TMEM196: variants seen among roughly 807,000 people sequenced by gnomAD.
TMEM196 encodes transmembrane protein 196.
TMEM196 carries 17 observed loss-of-function variants against 20.0 expected under a neutral mutation model. That is an observed-to-expected ratio of 0.85 (90% confidence interval 0.58 to 1.27). The LOEUF (loss-of-function observed/expected upper bound fraction) is 1.27. Ranked by LOEUF, TMEM196 falls within the 50% of genes most tolerant of loss-of-function variation. The pLI, the probability that TMEM196 is intolerant of heterozygous loss-of-function variation, is 0.00. For synonymous variants in TMEM196, 113 were observed against 88.9 expected (o/e 1.27, Z -1.52); for missense variants, 267 against 223.0 (o/e 1.20, Z -1.26).
chr7:19,753,741 A>G (rs1583449134), intron 1 of TMEM196, among the ~76,000 whole-genome samples: 1 of 152,146 alleles, frequency 6.6e-6, no homozygotes, highest in Non-Finnish European at 1.5e-5. Flanking sequence ...CCTATAGTCT[A>G]ATACTCAGGT....
rs1783833864 is a variant in TMEM196, at chr7:19,722,117, C to G, written c.*11G>C. On this transcript the variant is annotated 3_prime_UTR_variant, in exon 5 of 5. Transcript: ENST00000405844. ...ATATCAGCTGTGGTCCTCCATTGCT[C>G]ATGTTGTCTGTTATTTCCTGTTAGA... 2 of 1,609,110 alleles carry G rather than the reference C, an allele frequency of 1.2e-6. No individual in the cohort carries two copies. Among genetic ancestry groups the G allele is most frequent in the Admixed American group, 1.7e-5 (1 of 59,350 alleles).
At position 19,729,297 on chromosome 7, in the gene TMEM196, T is replaced by C. The variant is rs117847844; in HGVS notation, c.204+85A>G. The C allele has an allele frequency of 9.2e-3, 10,967 of 1,191,376 alleles. 86 individuals are homozygous for C. The highest frequency in any genetic ancestry group is 0.011 in the Middle Eastern group (52 of 4,902). 73.8% of individuals were successfully genotyped at this position (1,191,376 alleles called of 1,614,324 possible). On this transcript the variant is annotated intron_variant, in intron 2 of 4. Transcript: ENST00000405844. ...CCTCAAACTAGCAATATTCAGTATATGAAAGCTGGCTAGCCATCATTTCTA... is the reference window on the plus strand; with the variant it reads ...CCTCAAACTAGCAATATTCAGTATACGAAAGCTGGCTAGCCATCATTTCTA...
intron 1 of TMEM196, among the ~76,000 whole-genome samples, chr7:19,767,068 A>G (rs1017990849): frequency 2.6e-5 from 4 of 152,106 alleles, no homozygotes; most frequent in Non-Finnish European, 5.9e-5. Flanking sequence ...AGACTTCAAG[A>G]CCAGTTATAC....
At chr7:19,734,665 T>A (rs1160461423) in intron 1 of TMEM196, among the ~76,000 whole-genome samples, 1 of 152,184 alleles carries the variant, frequency 6.6e-6, no homozygotes, top group African/African-American at 2.4e-5. Context: ...GTAGGTGACC[T>A]CTGGGCACTG....
Position 19,772,735 on chromosome 7 carries a change from A to G in TMEM196, c.-39T>C, listed in dbSNP as rs1346071465. ...TCTTCCTTCCAGATCAGAGAGGGAA[A>G]TCAACCATCTACCTTTTTTTCTTCC... is the stretch of plus-strand genomic sequence containing the variant. On this transcript the variant is annotated 5_prime_UTR_variant, in exon 1 of 5. Coordinates refer to ENST00000405844, the MANE Select transcript of TMEM196 (RefSeq NM_001363562.2). 2.8e-6 allele frequency: 4 copies of G among 1,440,808 alleles called. No homozygotes were observed. The highest frequency in any genetic ancestry group is 3.7e-6 in the Non-Finnish European group (4 of 1,082,116). The allele number at this position is 1,440,808 out of a possible 1,614,324, so 89.3% of individuals were successfully genotyped here. A position where few individuals can be genotyped will look rare whatever the true frequency, so the allele number is the denominator to read the frequency against.
At chr7:19,723,388 T>G (rs996747150) in intron 4 of TMEM196, among the ~76,000 whole-genome samples, 2 of 152,166 alleles carry the variant, frequency 1.3e-5, no homozygotes, top group African/African-American at 4.8e-5. Flanking sequence ...TACAATGACT[T>G]TCCACTCAAA....
chr7:19,732,832 T>C (rs921077173), intron 1 of TMEM196, among the ~76,000 whole-genome samples: 2 of 152,220 alleles, frequency 1.3e-5, no homozygotes, highest in African/African-American at 4.8e-5. Flanking sequence ...TTTGTTATAA[T>C]ATTTCAAAAT....
In TMEM196 at chr7:19,725,763, G is replaced by T; in HGVS notation, c.210C>A (p.Ile70=). The T allele has an allele frequency of 6.3e-7, 1 of 1,591,806 alleles. No individual in the cohort carries two copies. Among genetic ancestry groups the T allele is most frequent in the South Asian group, 1.1e-5 (1 of 89,444 alleles). ...CACAGATACAGCAGGCTGAAAAGAG[G>T]ATCATCTGATAAGAAAAAGAAAGGC... ...CAKKKSGLVM[I]LFSACCICGL... is the part of the protein sequence containing the mutation. Residue 70 remains isoleucine (I), a synonymous_variant, in exon 3 of 5, where the codon ATC becomes ATA. Coordinates refer to ENST00000405844, the MANE Select transcript of TMEM196 (RefSeq NM_001363562.2).
At chr7:19,723,175 G>A (rs759950196) in intron 4 of TMEM196, among the ~76,000 whole-genome samples, 4 of 152,068 alleles carry the variant, frequency 2.6e-5, no homozygotes, top group Non-Finnish European at 5.9e-5. Context: ...ATATATTAGG[G>A]TTATGTGCTG....
At chr7:19,758,957 T>G (rs897062365) in intron 1 of TMEM196, among the ~76,000 whole-genome samples, 2 of 152,212 alleles carry the variant, frequency 1.3e-5, no homozygotes, top group Non-Finnish European at 2.9e-5. Context: ...TAGCTCTAAA[T>G]CCAATTACCC....
At chr7:19,768,815 C>T (rs1400512002) in intron 1 of TMEM196, among the ~76,000 whole-genome samples, 7 of 152,210 alleles carry the variant, frequency 4.6e-5, no homozygotes, top group Admixed American at 4.6e-4. Context: ...GGAAGCATCC[C>T]TGCCTGATTA....
intron 1 of TMEM196, among the ~76,000 whole-genome samples, chr7:19,765,069 T>C (rs930588587): frequency 6.6e-6 from 1 of 152,192 alleles, no homozygotes; most frequent in African/African-American, 2.4e-5. Context: ...AGTTCCTTTT[T>C]CTACTTAAAC....
At chr7:19,729,257 T>TG (rs1491325093) in intron 2 of TMEM196, 125 bp downstream of exon 2, 2 of 176,430 alleles carry the variant, frequency 1.1e-5, no homozygotes, top group Middle Eastern at 1.2e-3. Context: ...TATTTGTCAG[T>TG]TTTTTTTTTT....
At chr7:19,738,926 G>C (rs80074129) in intron 1 of TMEM196, among the ~76,000 whole-genome samples, 1 of 152,062 alleles carries the variant, frequency 6.6e-6, no homozygotes, top group Non-Finnish European at 1.5e-5. Context: ...CTTCGAAAAA[G>C]TACCATATGG....
intron 1 of TMEM196, among the ~76,000 whole-genome samples, chr7:19,730,621 A>G (rs1005922478): frequency 5.9e-5 from 9 of 152,358 alleles, no homozygotes; most frequent in South Asian, 4.1e-4. Context: ...CAGAACTAAC[A>G]ATATAGCTTG....
chr7:19,736,058 G>C (rs1211722101), intron 1 of TMEM196, among the ~76,000 whole-genome samples: 3 of 151,880 alleles, frequency 2.0e-5, no homozygotes, highest in Non-Finnish European at 2.9e-5. Context: ...GCTAAAAGAT[G>C]TATTTATCCT....
rs996470485 is a variant in TMEM196 at position 19,756,892 on chromosome 7, G to A, written c.147+15658C>T. ...TTCCATGTCTTTGTTATGGTGAATA[G>A]TGTAAAGCACATCTTAATTCACACT... On this transcript the variant is annotated intron_variant, in intron 1 of 4. Coordinates refer to ENST00000405844, the MANE Select transcript of TMEM196 (RefSeq NM_001363562.2). Among the ~76,000 whole-genome samples, 8 of 152,094 alleles carry A rather than the reference G, an allele frequency of 5.3e-5. No homozygotes were observed. The East Asian group carries it at 1.5e-3, about 29-fold the overall frequency.
rs890371074 is a variant in TMEM196, at chr7:19,748,324, G to A, written c.148-18886C>T. Among the ~76,000 whole-genome samples, 3 of 137,364 alleles carry A rather than the reference G, an allele frequency of 2.2e-5. No individual in the cohort carries two copies. The East Asian group carries it at 6.3e-4, about 29-fold the overall frequency. The allele number at this position is 137,364 out of a possible 152,430, so 90.1% of individuals were successfully genotyped here. ...ATGACAGAACTTAGAAAGAATGAGA[G>A]CTTATCAAACCAGAATTAGAAGAGA... On this transcript the variant is annotated intron_variant, in intron 1 of 4. Transcript: ENST00000405844.
At chr7:19,760,294 C>T (rs1268310861) in intron 1 of TMEM196, among the ~76,000 whole-genome samples, 1 of 150,806 alleles carries the variant, frequency 6.6e-6, no homozygotes, top group Non-Finnish European at 1.5e-5. Context: ...AGATGCTTTC[C>T]TGATTTTCCC....
Sources: gnomAD v4.1 joint callset for allele counts (sites outside exome capture counted in the v4.1 genomes callset) on GRCh38, gnomAD v4.1.1 for gene constraint, MANE v1.5 for transcripts, NCBI Gene and HGNC (gene_info 2026-07-23, HGNC 2026-07-21) for gene names.